LTBP1: variants seen among roughly 807,000 people sequenced by gnomAD.
LTBP1 encodes latent-transforming growth factor beta-binding protein 1.
LTBP1 carries 129 observed loss-of-function variants against 207.6 expected under a neutral mutation model. The observed-to-expected ratio is 0.62, with a 90% CI of 0.54 to 0.72. The LOEUF (loss-of-function observed/expected upper bound fraction) is 0.72, where lower values mean the gene tolerates loss of function less well. Ranked by LOEUF, LTBP1 falls within the 30% of genes least tolerant of loss-of-function variation. The pLI, the probability that LTBP1 is intolerant of heterozygous loss-of-function variation, is 0.00. For missense variants in LTBP1, 2,281 were observed against 2,217.2 expected, an observed-to-expected ratio of 1.03 and a Z score of -0.58; for synonymous variants, 963 against 833.7, an observed-to-expected ratio of 1.16 and a Z score of -2.67.
At chr2:33,025,459 A>T (rs1180129847) in intron 3 of LTBP1, among the ~76,000 whole-genome samples, 2 of 152,192 alleles carry the variant, frequency 1.3e-5, no homozygotes, top group Non-Finnish European at 2.9e-5. Flanking sequence ...AAAGTAATGG[A>T]AGGACGCCTC....
At chr2:33,249,065 A>C (rs2092597940) in intron 10 of LTBP1, among the ~76,000 whole-genome samples, 1 of 152,178 alleles carries the variant, frequency 6.6e-6, no homozygotes, top group Admixed American at 6.5e-5. Context: ...AATTTCATCC[A>C]AGAAATGATT....
At chr2:33,294,983 T>C (rs994150445) in intron 20 of LTBP1, among the ~76,000 whole-genome samples, 16 of 152,046 alleles carry the variant, frequency 1.1e-4, no homozygotes, top group Non-Finnish European at 4.4e-5. Context: ...TTGATACATA[T>C]ATTGTATCAT....
intron 32 of LTBP1, among the ~76,000 whole-genome samples, chr2:33,389,820 A>G (rs1244314736): frequency 1.3e-5 from 2 of 152,092 alleles, no homozygotes; most frequent in South Asian, 2.1e-4. Flanking sequence ...TTGTATTGTT[A>G]GTAGAGACTG....
chr2:33,382,139 G>C (rs2095223250), intron 31 of LTBP1, among the ~76,000 whole-genome samples: 1 of 117,846 alleles, frequency 8.5e-6, no homozygotes, highest in Admixed American at 1.2e-4. Context: ...CTGTTGCCCA[G>C]GCTGGAGTGC....
At chr2:33,321,840 C>A (rs2094359097) in intron 24 of LTBP1, among the ~76,000 whole-genome samples, 1 of 152,108 alleles carries the variant, frequency 6.6e-6, no homozygotes, top group Non-Finnish European at 1.5e-5. Context: ...CCACTCTCTT[C>A]CATGTGTAAA....
chr2:33,090,295 A>G lies in LTBP1; in HGVS notation c.864-20287A>G, dbSNP rs187558438. 1.1e-4 allele frequency among the ~76,000 whole-genome samples: 16 copies of G among 152,272 alleles called. No homozygotes were observed. In the East Asian group the frequency reaches 3.1e-3, roughly 29 times the overall value. On this transcript the variant is annotated intron_variant, in intron 3 of 33. Transcript: ENST00000404816. Reference sequence around the variant, plus strand: ...CTTGAAAGTTGGCCCTTTTTCCTGGACATTTCATGGCACATCAGTAACTCA... The same window carrying G: ...CTTGAAAGTTGGCCCTTTTTCCTGGGCATTTCATGGCACATCAGTAACTCA...
chr2:33,256,738 A>AGTTAC (rs1461034322), intron 11 of LTBP1, among the ~76,000 whole-genome samples: 1 of 26,854 alleles, frequency 3.7e-5, no homozygotes, highest in African/African-American at 1.1e-4. Context: ...ATATATATAT[A>AGTTAC]TATATATATA....
chr2:33,108,548 T>C (rs967350148), intron 3 of LTBP1, among the ~76,000 whole-genome samples: 2 of 151,956 alleles, frequency 1.3e-5, no homozygotes. Flanking sequence ...GCTTCCTCAA[T>C]TCAGAGGGGG....
At chr2:33,024,160 C>A (rs1175605147) in intron 3 of LTBP1, among the ~76,000 whole-genome samples, 1 of 152,202 alleles carries the variant, frequency 6.6e-6, no homozygotes, top group Non-Finnish European at 1.5e-5. Flanking sequence ...TAGGCAACTA[C>A]ATAAAATGTC....
chr2:33,287,257 G>A (rs569041278), intron 19 of LTBP1, among the ~76,000 whole-genome samples: 1 of 152,300 alleles, frequency 6.6e-6, no homozygotes, highest in East Asian at 1.9e-4. Context: ...TAGTACAAGT[G>A]TGGAAATTGA....
chr2:33,199,125 C>T (rs921405337), intron 7 of LTBP1, among the ~76,000 whole-genome samples: 1 of 152,048 alleles, frequency 6.6e-6, no homozygotes, highest in African/African-American at 2.4e-5. Context: ...TTTCAAAGAA[C>T]ATCTTTATTT....
chr2:33,064,900 T>G (rs2149677186), intron 3 of LTBP1, among the ~76,000 whole-genome samples: 1 of 152,302 alleles, frequency 6.6e-6, no homozygotes, highest in Non-Finnish European at 1.5e-5. Flanking sequence ...CTTCTCCCCT[T>G]TTGCTATATT....
intron 19 of LTBP1, among the ~76,000 whole-genome samples, chr2:33,291,118 C>T (rs1374391428): frequency 6.6e-6 from 1 of 152,158 alleles, no homozygotes; most frequent in East Asian, 1.9e-4. Context: ...TGGTTCCATG[C>T]AATTATGTCT....
chr2:33,317,013 C>G (rs1351946894), intron 24 of LTBP1, among the ~76,000 whole-genome samples: 1 of 152,182 alleles, frequency 6.6e-6, no homozygotes, highest in East Asian at 1.9e-4. Context: ...CTAGTCAAAG[C>G]TGTTGTTCCA....
chr2:33,154,892 A>G (rs2083841336), intron 5 of LTBP1, among the ~76,000 whole-genome samples: 1 of 152,136 alleles, frequency 6.6e-6, no homozygotes, highest in South Asian at 2.1e-4. Flanking sequence ...GTGAAACCCC[A>G]TCTCTACTAA....
chr2:33,365,404 C>T lies in LTBP1; in HGVS notation c.4612C>T (p.Arg1538Trp), dbSNP rs771660608. 13 of 1,614,036 alleles carry T rather than the reference C, an allele frequency of 8.1e-6. No homozygotes were observed. Among genetic ancestry groups the T allele is most frequent in the Middle Eastern group, 1.6e-4 (1 of 6,084 alleles). Residue 1538 changes from arginine to tryptophan, a missense_variant, in exon 31 of 34, where the codon CGG becomes TGG. Coordinates refer to ENST00000404816, the MANE Select transcript of LTBP1 (RefSeq NM_206943.4). ...TCTGAGTGATGAATACGTGTGTAGCCGGCCTCTTGTGGGCAAGCAGACAAC... is the reference window on the plus strand; with the variant it reads ...TCTGAGTGATGAATACGTGTGTAGCTGGCCTCTTGTGGGCAAGCAGACAAC... ...EHLSDEYVCSRPLVGKQTTYT... is the reference protein window; with the variant it reads ...EHLSDEYVCSWPLVGKQTTYT...
chr2:33,030,421 A>G (rs528993807), intron 3 of LTBP1, among the ~76,000 whole-genome samples: 2 of 152,126 alleles, frequency 1.3e-5, no homozygotes, highest in South Asian at 4.2e-4. Context: ...TGTGGCTCCT[A>G]TTTATCTCCT....
intron 6 of LTBP1, among the ~76,000 whole-genome samples, chr2:33,187,996 A>G (rs1466451926): frequency 6.6e-6 from 1 of 152,268 alleles, no homozygotes; most frequent in Admixed American, 6.5e-5. Flanking sequence ...TCACAGCTTT[A>G]TGACTTTGGA....
At chr2:32,963,759 T>A (rs1679512170) in intron 2 of LTBP1, among the ~76,000 whole-genome samples, 1 of 152,138 alleles carries the variant, frequency 6.6e-6, no homozygotes, top group South Asian at 2.1e-4. Flanking sequence ...AAATGCAGGT[T>A]GTGGGACTTT....
Sources: allele counts gnomAD v4.1 joint callset (sites outside exome capture counted in the v4.1 genomes callset), GRCh38; gene constraint gnomAD v4.1.1; transcripts MANE v1.5; gene names NCBI Gene and HGNC (gene_info 2026-07-23, HGNC 2026-07-21).